SDK1: variants seen among roughly 807,000 people sequenced by gnomAD.
The protein encoded by SDK1 is protein sidekick-1.
Under a neutral mutation model 245.5 loss-of-function variants are expected in SDK1, and 157 were observed. That is an observed-to-expected ratio of 0.64 (90% CI 0.56 to 0.73). SDK1 has a LOEUF of 0.73. Among genes scored for constraint, SDK1 ranks in the 30% least tolerant of loss-of-function variants. The probability of loss-of-function intolerance (pLI) is 0.00; values close to 1 mark genes in which losing one functional copy is unlikely to be tolerated. For synonymous variants in SDK1, 1,647 were observed against 1,278.5 expected, an observed-to-expected ratio of 1.29 and a Z score of -6.15; for missense variants, 3,583 against 3,002.3, an observed-to-expected ratio of 1.19 and a Z score of -4.52.
intron 5 of SDK1, among the ~76,000 whole-genome samples, chr7:3,840,034 G>T (rs1019984840): frequency 6.6e-6 from 1 of 152,128 alleles, no homozygotes; most frequent in African/African-American, 2.4e-5. Context: ...AATCAAAGTG[G>T]TCTCTGGGTC....
In SDK1 at chr7:4,266,470, G is replaced by T; in HGVS notation, c.*1086G>T. The T allele has an allele frequency of 6.1e-6, 6 of 985,374 alleles. No individual in the cohort carries two copies. The highest frequency in any genetic ancestry group is 7.2e-6 in the Non-Finnish European group (6 of 829,926). 61.0% of individuals were successfully genotyped at this position (985,374 alleles called of 1,614,324 possible). A position where few individuals can be genotyped will look rare whatever the true frequency, so the allele number is the denominator to read the frequency against. ...CCTCCCTCTGTCCTGGCTTCTGCTG[G>T]CTGCTCGCAGCAGCCACCGCTTCTC... On this transcript the variant is annotated 3_prime_UTR_variant, in exon 45 of 45. Coordinates refer to ENST00000404826, the MANE Select transcript of SDK1 (RefSeq NM_152744.4).
intron 1 of SDK1, among the ~76,000 whole-genome samples, chr7:3,403,836 T>TATATATATATA (rs1778958946): frequency 1.6e-5 from 1 of 63,770 alleles, no homozygotes; most frequent in Non-Finnish European, 2.9e-5. Context: ...TATATATATA[T>TATATATATATA]ATATATATAT....
rs958973725 is a variant in SDK1 at position 4,000,166 on chromosome 7, G to A, written c.2132-10800G>A. Reference sequence around the variant, plus strand: ...ATGGCCTAGAGCCCCAGGCCTGGACGTGGAAGTAGGAGGCCTGCTGAGGAA... The same window carrying A: ...ATGGCCTAGAGCCCCAGGCCTGGACATGGAAGTAGGAGGCCTGCTGAGGAA... On this transcript the variant is annotated intron_variant, in intron 14 of 44. Coordinates refer to ENST00000404826, the MANE Select transcript of SDK1 (RefSeq NM_152744.4). Among the ~76,000 whole-genome samples the A allele has an allele frequency of 5.3e-5, 8 of 152,240 alleles. No individual in the cohort carries two copies. In the East Asian group the frequency reaches 1.2e-3, roughly 22 times the overall value.
chr7:3,359,136 C>T (rs1020117305), intron 1 of SDK1, among the ~76,000 whole-genome samples: 1 of 152,072 alleles, frequency 6.6e-6, no homozygotes, highest in South Asian at 2.1e-4. Context: ...AATTGGAGTC[C>T]CATTTGGTGC....
intron 5 of SDK1, among the ~76,000 whole-genome samples, chr7:3,921,528 A>G (rs907114574): frequency 2.0e-5 from 3 of 152,230 alleles, no homozygotes; most frequent in East Asian, 1.9e-4. Flanking sequence ...CTCTTTAGCT[A>G]TAAGAACTAG....
chr7:3,604,482 A>G (rs945019625), intron 1 of SDK1, among the ~76,000 whole-genome samples: 8 of 151,892 alleles, frequency 5.3e-5, no homozygotes, highest in South Asian at 2.1e-4. Flanking sequence ...TTTCCTCTCA[A>G]CACTTCTTTA....
intron 1 of SDK1, among the ~76,000 whole-genome samples, chr7:3,558,408 C>G (rs1779653371): frequency 6.6e-6 from 1 of 152,200 alleles, no homozygotes; most frequent in African/African-American, 2.4e-5. Context: ...TCTTCTTTGA[C>G]CAGTCCTGCA....
At chr7:4,092,321 C>T (rs527416194) in intron 22 of SDK1, among the ~76,000 whole-genome samples, 13 of 152,278 alleles carry the variant, frequency 8.5e-5, no homozygotes, top group Admixed American at 3.3e-4. Flanking sequence ...CCCCCTGTCC[C>T]GTGGTCCTCC....
At chr7:3,708,226 G>A (rs1239339789) in intron 4 of SDK1, among the ~76,000 whole-genome samples, 1 of 152,084 alleles carries the variant, frequency 6.6e-6, no homozygotes, top group Non-Finnish European at 1.5e-5. Context: ...CTATCACAAG[G>A]ACAGTACCAG....
At chr7:3,567,481 G>C (rs1297718900) in intron 1 of SDK1, among the ~76,000 whole-genome samples, 1 of 152,190 alleles carries the variant, frequency 6.6e-6, no homozygotes, top group Non-Finnish European at 1.5e-5. Flanking sequence ...TTGACGTTTA[G>C]ACTAAGTGGT....
chr7:3,851,712 A>G (rs1780424070), intron 5 of SDK1, among the ~76,000 whole-genome samples: 1 of 152,240 alleles, frequency 6.6e-6, no homozygotes, highest in Non-Finnish European at 1.5e-5. Context: ...ACAGTCCACC[A>G]GAAAACCTTC....
intron 2 of SDK1, among the ~76,000 whole-genome samples, chr7:3,619,791 G>A (rs910494868): frequency 2.0e-5 from 3 of 152,198 alleles, no homozygotes; most frequent in Non-Finnish European, 2.9e-5. Context: ...CCAGTCACCA[G>A]GGATCTGATG....
At chr7:3,570,380 G>A (rs1780071301) in intron 1 of SDK1, among the ~76,000 whole-genome samples, 1 of 152,136 alleles carries the variant, frequency 6.6e-6, no homozygotes, top group Non-Finnish European at 1.5e-5. Context: ...CCTGACGGGA[G>A]GAGTTGCTCA....
At chr7:3,788,112 C>T (rs1276026782) in intron 4 of SDK1, among the ~76,000 whole-genome samples, 3 of 152,174 alleles carry the variant, frequency 2.0e-5, no homozygotes, top group African/African-American at 7.2e-5. Context: ...GACCTCACTC[C>T]TTCTGCTTCG....
chr7:3,764,372 G>A (rs764286117), intron 4 of SDK1, among the ~76,000 whole-genome samples: 2 of 151,998 alleles, frequency 1.3e-5, no homozygotes, highest in African/African-American at 2.4e-5. Flanking sequence ...ATTCTCCTGC[G>A]ATGCAATTCA....
intron 4 of SDK1, among the ~76,000 whole-genome samples, chr7:3,655,448 A>AATATATATATATAT (rs1194322286): frequency 1.1e-4 from 7 of 66,332 alleles, no homozygotes; most frequent in East Asian, 6.3e-4. Context: ...AAACAAAACA[A>AATATATATATATAT]ATATATATAT....
intron 1 of SDK1, among the ~76,000 whole-genome samples, chr7:3,322,174 C>G (rs1779832864): frequency 6.6e-6 from 1 of 152,040 alleles, no homozygotes; most frequent in South Asian, 2.1e-4. Flanking sequence ...TTAAGCAGCC[C>G]CTAATGACCA....
chr7:3,769,273 G>C (rs1327233701), intron 4 of SDK1, among the ~76,000 whole-genome samples: 1 of 152,116 alleles, frequency 6.6e-6, no homozygotes, highest in East Asian at 1.9e-4. Context: ...AGGCTGAAAG[G>C]TCCAAGATCA....
chr7:3,682,120 C>G (rs1333243508), intron 4 of SDK1, among the ~76,000 whole-genome samples: 1 of 152,144 alleles, frequency 6.6e-6, no homozygotes, highest in East Asian at 1.9e-4. Flanking sequence ...GATTATGATG[C>G]TAAAAATTAC....
Sources: gnomAD v4.1 joint callset for allele counts (sites outside exome capture counted in the v4.1 genomes callset) on GRCh38, gnomAD v4.1.1 for gene constraint, MANE v1.5 for transcripts, NCBI Gene and HGNC (gene_info 2026-07-23, HGNC 2026-07-21) for gene names.